The following CCR2 variants were observed in gnomAD, a reference collection of about 807,000 sequenced individuals.
CCR2 encodes the protein C-C motif chemokine receptor 2.
For missense variants in CCR2, 408 were observed against 440.0 expected, an observed-to-expected ratio of 0.93 and a Z score of 0.65; for synonymous variants, 183 against 177.1, an observed-to-expected ratio of 1.03 and a Z score of -0.27.
In CCR2 at chr3:46,357,986, G is replaced by A. The variant is rs145700287; in HGVS notation, c.459G>A (p.Thr153=). 1.6e-5 allele frequency: 26 copies of A among 1,614,016 alleles called. No homozygotes were observed. Among genetic ancestry groups the A allele is most frequent in the African/African-American group, 1.2e-4 (9 of 74,912 alleles). Reference sequence around the variant, plus strand: ...CTGTGTTTGCTTTAAAAGCCAGGACGGTCACCTTTGGGGTGGTGACAAGTG... The same window carrying A: ...CTGTGTTTGCTTTAAAAGCCAGGACAGTCACCTTTGGGGTGGTGACAAGTG... ...VHAVFALKAR[T]VTFGVVTSVI... is the part of the protein sequence containing the mutation. The change falls in exon 2 of 2, where the codon ACG becomes ACA. Residue 153 remains threonine (T), a synonymous_variant. Transcript: ENST00000445132.
Position 46,359,794 on chromosome 3 carries a change from T to A in CCR2, c.*1184T>A, listed in dbSNP as rs369723235. 3.1e-5 allele frequency: 50 copies of A among 1,614,012 alleles called. No individual in the cohort carries two copies. In the East Asian group the frequency reaches 3.3e-4, roughly 11 times the overall value. On this transcript the variant is annotated 3_prime_UTR_variant, in exon 2 of 2. Coordinates refer to ENST00000445132, the MANE Select transcript of CCR2 (RefSeq NM_001123396.4). ...TGACTACACAAGGACTCCTCGATGG[T>A]CGTGGAAAAGGAAAGTCAATTGGCA...
rs1260641625 is a variant in CCR2 at position 46,358,853 on chromosome 3, T to C, written c.*243T>C. ...AAAGCTCATCTCAGCTCCTGAAAAA[T>C]GCCTCATTACCTTGTGCTAATCCTC... On this transcript the variant is annotated 3_prime_UTR_variant, in exon 2 of 2. Transcript: ENST00000445132. The C allele has an allele frequency of 1.4e-5, 18 of 1,281,034 alleles. No homozygotes were observed. Among genetic ancestry groups the C allele is most frequent in the South Asian group, 2.3e-5 (1 of 43,608 alleles). The allele number at this position is 1,281,034 out of a possible 1,614,324, so 79.4% of individuals were successfully genotyped here.
chr3:46,357,446 G>A, intron 1 of CCR2, 31 bp from the exon 2 acceptor site: 1 of 1,437,666 alleles, frequency 7.0e-7, no homozygotes, highest in Non-Finnish European at 9.6e-7. Flanking sequence ...TGTTTGTGTT[G>A]TGTGGTCATC....
At position 46,358,682 on chromosome 3, in the gene CCR2, T is replaced by G. The variant is rs1701499719; in HGVS notation, c.*72T>G. On this transcript the variant is annotated 3_prime_UTR_variant, in exon 2 of 2. Coordinates refer to ENST00000445132, the MANE Select transcript of CCR2 (RefSeq NM_001123396.4). Reference sequence around the variant, plus strand: ...GTATATAACAACAAACTTCAAGGGTTTGTTGAACAATAGAAACCTGTAAAG... The same window carrying G: ...GTATATAACAACAAACTTCAAGGGTGTGTTGAACAATAGAAACCTGTAAAG... The G allele has an allele frequency of 6.7e-7, 1 of 1,493,776 alleles. No individual in the cohort carries two copies. Among genetic ancestry groups the G allele is most frequent in the African/African-American group, 1.4e-5 (1 of 70,940 alleles). 92.5% of individuals were successfully genotyped at this position (1,493,776 alleles called of 1,614,324 possible).
At position 46,359,365 on chromosome 3, in the gene CCR2, T is replaced by G; in HGVS notation, c.*755T>G. 9.5e-7 allele frequency: 1 copy of G among 1,057,200 alleles called. No homozygotes were observed. The highest frequency in any genetic ancestry group is 1.1e-6 in the Non-Finnish European group (1 of 871,672). 65.5% of individuals were successfully genotyped at this position (1,057,200 alleles called of 1,614,324 possible). On this transcript the variant is annotated 3_prime_UTR_variant, in exon 2 of 2. Coordinates refer to ENST00000445132, the MANE Select transcript of CCR2 (RefSeq NM_001123396.4). ...CCTGTCTAAAAATTCAGAAAATTTT[T>G]GTTTATAAAAGATGCATTATCTATG... is the stretch of plus-strand genomic sequence containing the variant.
In CCR2 at chr3:46,358,878, C is replaced by A; in HGVS notation, c.*268C>A. The A allele has an allele frequency of 1.7e-6, 2 of 1,176,330 alleles. No individual in the cohort carries two copies. The highest frequency in any genetic ancestry group is 2.1e-6 in the Non-Finnish European group (2 of 939,646). The allele number at this position is 1,176,330 out of a possible 1,614,324, so 72.9% of individuals were successfully genotyped here. On this transcript the variant is annotated 3_prime_UTR_variant, in exon 2 of 2. Transcript: ENST00000445132. Reference sequence around the variant, plus strand: ...TGCCTCATTACCTTGTGCTAATCCTCTTTTTCTAGTCTTCATAATTTCTTC... The same window carrying A: ...TGCCTCATTACCTTGTGCTAATCCTATTTTTCTAGTCTTCATAATTTCTTC...
Position 46,358,782 on chromosome 3 carries a change from A to G in CCR2, c.*172A>G, listed in dbSNP as rs1575273926. The G allele has an allele frequency of 1.3e-5, 18 of 1,414,682 alleles. No individual in the cohort carries two copies. The highest frequency in any genetic ancestry group is 2.6e-5 in the East Asian group (1 of 38,680). The allele number at this position is 1,414,682 out of a possible 1,614,324, so 87.6% of individuals were successfully genotyped here. On this transcript the variant is annotated 3_prime_UTR_variant, in exon 2 of 2. Coordinates refer to ENST00000445132, the MANE Select transcript of CCR2 (RefSeq NM_001123396.4). ...CCCAATGCATATCCAACATGTGCTC[A>G]GGGAATAATCCAGAAAAACTGTGGG...
Position 46,359,734 on chromosome 3 carries a change from A to G in CCR2, c.*1124A>G. 1 of 1,614,092 alleles carries G rather than the reference A, an allele frequency of 6.2e-7. No individual in the cohort carries two copies. The highest frequency in any genetic ancestry group is 8.5e-7 in the Non-Finnish European group (1 of 1,179,972). Reference sequence around the variant, plus strand: ...CCCCACTCCAAAAACCAGTGTGTGGAGGTCCAGGAGTGAGACCAGGAAAGA... The same window carrying G: ...CCCCACTCCAAAAACCAGTGTGTGGGGGTCCAGGAGTGAGACCAGGAAAGA... On this transcript the variant is annotated 3_prime_UTR_variant, in exon 2 of 2. Transcript: ENST00000445132.
chr3:46,356,118 A>G (rs945199806), intron 1 of CCR2, among the ~76,000 whole-genome samples: 1 of 152,224 alleles, frequency 6.6e-6, no homozygotes, highest in Non-Finnish European at 1.5e-5. Context: ...TAGGTGTTCA[A>G]TAAGTGTTGA....
chr3:46,359,521 C>T lies in CCR2; in HGVS notation c.*911C>T. 1 of 981,724 alleles carries T rather than the reference C, an allele frequency of 1.0e-6. No homozygotes were observed. Among genetic ancestry groups the T allele is most frequent in the Non-Finnish European group, 1.4e-6 (1 of 690,086 alleles). The allele number at this position is 981,724 out of a possible 1,614,324, so 60.8% of individuals were successfully genotyped here. ...AGCAAAGGACGGGGATCGTGTGGAA[C>T]CACTGCAGAACTATTTCCGAAATCA... On this transcript the variant is annotated 3_prime_UTR_variant, in exon 2 of 2. Transcript: ENST00000445132.
Position 46,359,162 on chromosome 3 carries a change from G to A in CCR2, c.*552G>A, listed in dbSNP as rs1329381222. 1 of 1,005,074 alleles carries A rather than the reference G, an allele frequency of 9.9e-7. No individual in the cohort carries two copies. The allele number at this position is 1,005,074 out of a possible 1,614,324, so 62.3% of individuals were successfully genotyped here. On this transcript the variant is annotated 3_prime_UTR_variant, in exon 2 of 2. Coordinates refer to ENST00000445132, the MANE Select transcript of CCR2 (RefSeq NM_001123396.4). ...ACCTTGAAGGGTTCACCAGGTCAGGGAGAGTTTGGGAACTGCAATAACCTG... is the reference window on the plus strand; with the variant it reads ...ACCTTGAAGGGTTCACCAGGTCAGGAAGAGTTTGGGAACTGCAATAACCTG...
In CCR2 at chr3:46,359,401, A is replaced by G. The variant is rs745739522; in HGVS notation, c.*791A>G. 5.6e-6 allele frequency: 6 copies of G among 1,069,382 alleles called. No homozygotes were observed. Among genetic ancestry groups the G allele is most frequent in the South Asian group, 3.9e-5 (1 of 25,482 alleles). 66.2% of individuals were successfully genotyped at this position (1,069,382 alleles called of 1,614,324 possible). On this transcript the variant is annotated 3_prime_UTR_variant, in exon 2 of 2. Coordinates refer to ENST00000445132, the MANE Select transcript of CCR2 (RefSeq NM_001123396.4). ...GATGCATTATCTATGATATGCTAAT[A>G]TATGTATATGCAATATATATAGGCT...
At position 46,359,084 on chromosome 3, in the gene CCR2, C is replaced by T; in HGVS notation, c.*474C>T. Reference sequence around the variant, plus strand: ...GACAAAGGTGAGCAAAGGGCTCACGCATTCAGCCAGGAGATGATACTGGTC... The same window carrying T: ...GACAAAGGTGAGCAAAGGGCTCACGTATTCAGCCAGGAGATGATACTGGTC... On this transcript the variant is annotated 3_prime_UTR_variant, in exon 2 of 2. Coordinates refer to ENST00000445132, the MANE Select transcript of CCR2 (RefSeq NM_001123396.4). The T allele has an allele frequency of 2.0e-6, 2 of 1,011,920 alleles. No homozygotes were observed. Among genetic ancestry groups the T allele is most frequent in the Non-Finnish European group, 2.4e-6 (2 of 836,898 alleles). 62.7% of individuals were successfully genotyped at this position (1,011,920 alleles called of 1,614,324 possible).
rs990983801 is a variant in CCR2, at chr3:46,358,639, A to G, written c.*29A>G. ...GAGGAGCAGTTTGATTGTTGTTTAT[A>G]AAGGGAGATAACAATCTGTATATAA... On this transcript the variant is annotated 3_prime_UTR_variant, in exon 2 of 2. Transcript: ENST00000445132. 6.5e-7 allele frequency: 1 copy of G among 1,544,042 alleles called. No individual in the cohort carries two copies. Among genetic ancestry groups the G allele is most frequent in the Non-Finnish European group, 8.8e-7 (1 of 1,142,526 alleles).
rs1419776718 is a variant in CCR2, at chr3:46,359,710, C to T, written c.*1100C>T. ...ACATAGCTCTTGGCTGTAGGATTGC[C>T]CCACTCCAAAAACCAGTGTGTGGAG... On this transcript the variant is annotated 3_prime_UTR_variant, in exon 2 of 2. Coordinates refer to ENST00000445132, the MANE Select transcript of CCR2 (RefSeq NM_001123396.4). 1 of 1,613,860 alleles carries T rather than the reference C, an allele frequency of 6.2e-7. No homozygotes were observed. Among genetic ancestry groups the T allele is most frequent in the African/African-American group, 1.3e-5 (1 of 75,026 alleles).
intron 1 of CCR2, among the ~76,000 whole-genome samples, chr3:46,355,147 C>T (rs1261993570): frequency 2.0e-5 from 3 of 152,138 alleles, no homozygotes; most frequent in Non-Finnish European, 4.4e-5. Context: ...AGTCCTTGAT[C>T]TTGAGGAACA....
Position 46,359,445 on chromosome 3 carries a change from G to C in CCR2, c.*835G>C. 1 of 1,149,792 alleles carries C rather than the reference G, an allele frequency of 8.7e-7. No individual in the cohort carries two copies. Among genetic ancestry groups the C allele is most frequent in the Non-Finnish European group, 1.2e-6 (1 of 867,752 alleles). The allele number at this position is 1,149,792 out of a possible 1,614,324, so 71.2% of individuals were successfully genotyped here. On this transcript the variant is annotated 3_prime_UTR_variant, in exon 2 of 2. Coordinates refer to ENST00000445132, the MANE Select transcript of CCR2 (RefSeq NM_001123396.4). ...ATAGGCTCTTGCTTGATCTCTCCAG[G>C]AGGTAGTGATTATGAGAAGGGGGTG...
chr3:46,356,026 A>AT (rs1016979703), intron 1 of CCR2, among the ~76,000 whole-genome samples: 1 of 152,170 alleles, frequency 6.6e-6, no homozygotes, highest in African/African-American at 2.4e-5. Context: ...GCAGTGCCCC[A>AT]TTTGGGGTGG....
Position 46,357,612 on chromosome 3 carries a change from G to T in CCR2, c.85G>T (p.Gly29Cys). The stretch of plus-strand genomic sequence containing the variant: ...CACCACCTTTTTTGATTATGATTAC[G>T]GTGCTCCCTGTCATAAATTTGACGT... ...EVTTFFDYDY[G>C]APCHKFDVKQ... Residue 29 changes from glycine to cysteine, a missense_variant, in exon 2 of 2, where the codon GGT becomes TGT. Coordinates refer to ENST00000445132, the MANE Select transcript of CCR2 (RefSeq NM_001123396.4). The T allele has an allele frequency of 3.1e-6, 5 of 1,613,960 alleles. No individual in the cohort carries two copies. Among genetic ancestry groups the T allele is most frequent in the South Asian group, 1.1e-5 (1 of 91,058 alleles).
Sources: gnomAD v4.1 joint callset for allele counts (sites outside exome capture counted in the v4.1 genomes callset) on GRCh38, gnomAD v4.1.1 for gene constraint, MANE v1.5 for transcripts, NCBI Gene and HGNC (gene_info 2026-07-23, HGNC 2026-07-21) for gene names.